The following MYOM2 variants were observed in gnomAD, a reference collection of about 807,000 sequenced individuals.
MYOM2 encodes the protein myomesin 2.
In MYOM2, 254 loss-of-function variants were observed where a neutral mutation model predicts 187.6. The observed-to-expected ratio is 1.35, with a 90% CI of 1.22 to 1.50. The LOEUF is 1.50. Among genes scored for constraint, MYOM2 ranks in the 40% most tolerant of loss-of-function variants. The pLI, the probability that MYOM2 is intolerant of heterozygous loss-of-function variation, is 0.00. For synonymous variants in MYOM2, 981 were observed against 753.8 expected (o/e 1.30, Z -4.94); for missense variants, 2,796 against 1,924.0 (o/e 1.45, Z -8.48).
chr8:2,071,350 T>C (rs1819210193), intron 8 of MYOM2, among the ~76,000 whole-genome samples: 1 of 152,184 alleles, frequency 6.6e-6, no homozygotes, highest in African/African-American at 2.4e-5. Flanking sequence ...ATACAGTTTT[T>C]TTTTGGTTTT....
intron 14 of MYOM2, among the ~76,000 whole-genome samples, chr8:2,088,166 G>A (rs575019115): frequency 1.3e-5 from 2 of 152,070 alleles, no homozygotes; most frequent in South Asian, 2.1e-4. Context: ...AGCAGTATAC[G>A]CTGCACCATA....
At chr8:2,098,138 A>G (rs1796558631) in intron 18 of MYOM2, 1 of 152,256 alleles carries the variant, frequency 6.6e-6, no homozygotes, top group African/African-American at 2.4e-5. Flanking sequence ...TGAGTGCTTC[A>G]CAGCTAGTCC....
intron 11 of MYOM2, 62 bp from the exon 12 acceptor site, chr8:2,078,672 T>A (rs1276762939): frequency 7.0e-7 from 1 of 1,433,378 alleles, no homozygotes; most frequent in Non-Finnish European, 9.8e-7. Context: ...CATATACCTA[T>A]GTATATTTAG....
Position 2,138,637 on chromosome 8 carries a change from G to A in MYOM2, c.3801-2086G>A, listed in dbSNP as rs1798165233. Among the ~76,000 whole-genome samples the A allele has an allele frequency of 1.3e-5, 2 of 152,234 alleles. 1 individual carries two copies. Among genetic ancestry groups the A allele is most frequent in the Admixed American group, 1.3e-4 (2 of 15,286 alleles). On this transcript the variant is annotated intron_variant, in intron 32 of 36. Transcript: ENST00000262113. ...TGCTCACACTGCCCTGCCTTCTAAG[G>A]CGGCACGAACTCGCTCCCACATCGG...
chr8:2,086,467 C>T lies in MYOM2; in HGVS notation c.1644+1077C>T, dbSNP rs1173558227. On this transcript the variant is annotated intron_variant, in intron 14 of 36. Transcript: ENST00000262113. ...CCTACTGTCGTGATCTCCACGTGGCCACACACTGTCATGATCTCTGTGTGG... is the reference window on the plus strand; with the variant it reads ...CCTACTGTCGTGATCTCCACGTGGCTACACACTGTCATGATCTCTGTGTGG... 1.5e-4 allele frequency among the ~76,000 whole-genome samples: 21 copies of T among 143,652 alleles called. 1 individual carries two copies. Among genetic ancestry groups the T allele is most frequent in the Admixed American group, 4.1e-4 (6 of 14,612 alleles). The allele number at this position is 143,652 out of a possible 152,430, so 94.2% of individuals were successfully genotyped here. A position where few individuals can be genotyped will look rare whatever the true frequency, so the allele number is the denominator to read the frequency against.
At chr8:2,069,196 C>T (rs1004223361) in intron 6 of MYOM2, 82 bp from the exon 7 acceptor site, 31 of 1,343,146 alleles carry the variant, frequency 2.3e-5, no homozygotes, top group African/African-American at 2.9e-5. Flanking sequence ...GATTTGCTTT[C>T]GAGGAATGCT....
chr8:2,090,287 A>G (rs1217379832), intron 15 of MYOM2, 96 bp downstream of exon 15: 2 of 1,215,464 alleles, frequency 1.6e-6, no homozygotes, highest in Non-Finnish European at 2.2e-6. Context: ...CATTAATGTT[A>G]TAAACGAGTT....
At position 2,111,239 on chromosome 8, in the gene MYOM2, A is replaced by G. The variant is rs567230730; in HGVS notation, c.3180+1708A>G. On this transcript the variant is annotated intron_variant, in intron 25 of 36. Transcript: ENST00000262113. ...TTCTTTAATTAGCAATGCACAGGTG[A>G]CTTTTACATTTGAAGATTGATGCTA... 1.3e-4 allele frequency among the ~76,000 whole-genome samples: 20 copies of G among 152,372 alleles called. No individual in the cohort carries two copies. In the South Asian group the frequency reaches 4.1e-3, roughly 32 times the overall value.
rs757950319 is a variant in MYOM2 at position 2,123,158 on chromosome 8, G to A, written c.3454-94G>A. On this transcript the variant is annotated intron_variant, in intron 28 of 36. Coordinates refer to ENST00000262113, the MANE Select transcript of MYOM2 (RefSeq NM_003970.4). ...TATAGTAAAAACTAAGGTTTTTTGA[G>A]GGGGGGGCTCTGTGATTTAAGATTC... The A allele has an allele frequency of 1.3e-4, 90 of 671,998 alleles. 1 individual carries two copies. The highest frequency in any genetic ancestry group is 1.9e-4 in the Non-Finnish European group (79 of 415,872). 41.6% of individuals were successfully genotyped at this position (671,998 alleles called of 1,614,324 possible). A position where few individuals can be genotyped will look rare whatever the true frequency, so the allele number is the denominator to read the frequency against.
At chr8:2,095,617 C>G (rs1796453596) in intron 17 of MYOM2, among the ~76,000 whole-genome samples, 1 of 152,152 alleles carries the variant, frequency 6.6e-6, no homozygotes, top group Non-Finnish European at 1.5e-5. Context: ...ATAAGAATCA[C>G]TTAATTCCAG....
chr8:2,116,331 T>A (rs1181496583), intron 27 of MYOM2, 56 bp downstream of exon 27: 3 of 1,498,622 alleles, frequency 2.0e-6, no homozygotes. Flanking sequence ...CAAAGATGAT[T>A]GGAGTATTTG....
intron 1 of MYOM2, among the ~76,000 whole-genome samples, chr8:2,049,088 G>T (rs1343106241): frequency 1.3e-5 from 2 of 152,170 alleles, no homozygotes; most frequent in Non-Finnish European, 2.9e-5. Context: ...ACTGCGCCCG[G>T]CTGCTTTTAT....
At chr8:2,122,521 C>T (rs954607030) in intron 28 of MYOM2, among the ~76,000 whole-genome samples, 1 of 152,224 alleles carries the variant, frequency 6.6e-6, no homozygotes, top group Non-Finnish European at 1.5e-5. Context: ...GAGCTGATGA[C>T]ACTGTTGAAT....
chr8:2,074,897 G>A (rs752220460), intron 10 of MYOM2, among the ~76,000 whole-genome samples: 1 of 152,190 alleles, frequency 6.6e-6, no homozygotes, highest in Non-Finnish European at 1.5e-5. Flanking sequence ...GCGCTCCTGC[G>A]CCATGTAGCT....
chr8:2,057,028 A>T (rs1818689394), intron 3 of MYOM2, among the ~76,000 whole-genome samples: 1 of 152,160 alleles, frequency 6.6e-6, no homozygotes, highest in African/African-American at 2.4e-5. Flanking sequence ...TCTCCAAAGC[A>T]TCTCTTAGGG....
chr8:2,071,361 A>G (rs1347190519), intron 8 of MYOM2, among the ~76,000 whole-genome samples: 2 of 151,982 alleles, frequency 1.3e-5, no homozygotes, highest in Non-Finnish European at 2.9e-5. Flanking sequence ...TTTTGGTTTT[A>G]AAAATTCAGT....
intron 32 of MYOM2, among the ~76,000 whole-genome samples, chr8:2,138,864 G>C (rs987060066): frequency 2.5e-4 from 38 of 152,160 alleles, no homozygotes; most frequent in Non-Finnish European, 4.9e-4. Flanking sequence ...CCTGGGAACA[G>C]CCATTTCGGC....
intron 32 of MYOM2, among the ~76,000 whole-genome samples, chr8:2,134,752 G>A (rs1395427386): frequency 1.3e-4 from 20 of 152,114 alleles, no homozygotes; most frequent in Non-Finnish European, 2.9e-4. Context: ...GCTCCTTCCG[G>A]TTGTCGCCTG....
intron 14 of MYOM2, among the ~76,000 whole-genome samples, chr8:2,089,605 T>C (rs1178289458): frequency 1.3e-5 from 2 of 152,220 alleles, no homozygotes; most frequent in African/African-American, 4.8e-5. Flanking sequence ...AGCTGCAATA[T>C]GGTAATAACT....
Sources: gnomAD v4.1 joint callset for allele counts (sites outside exome capture counted in the v4.1 genomes callset) on GRCh38, gnomAD v4.1.1 for gene constraint, MANE v1.5 for transcripts, NCBI Gene and HGNC (gene_info 2026-07-23, HGNC 2026-07-21) for gene names.